SPCS3: variants seen among roughly 807,000 people sequenced by gnomAD.
The protein encoded by SPCS3 is SPase 22 kDa subunit.
SPCS3 carries 9 observed loss-of-function variants against 17.2 expected under a neutral mutation model. The ratio of observed to expected loss-of-function variants is 0.52; its 90% confidence interval spans 0.31 to 0.91. SPCS3 has a LOEUF of 0.91. Among genes scored for constraint, SPCS3 ranks in the 40% least tolerant of loss-of-function variants. SPCS3 has a pLI of 0.04. For missense variants in SPCS3, 139 were observed against 217.5 expected (o/e 0.64, Z 2.27); for synonymous variants, 87 against 89.6 (o/e 0.97, Z 0.16).
chr4:176,331,964 T>A lies in SPCS3; in HGVS notation c.*3634T>A, dbSNP rs1303094771. 6.6e-6 allele frequency: 1 copy of A among 152,248 alleles called. No homozygotes were observed. The highest frequency in any genetic ancestry group is 1.5e-5 in the Non-Finnish European group (1 of 68,048). The allele number at this position is 152,248 out of a possible 1,614,324, so 9.4% of individuals were successfully genotyped here. ...TGAATTTTGTTTACCAGTAAAAGTATGCATTTTAAAAGACTTTCAGATTTA... is the reference window on the plus strand; with the variant it reads ...TGAATTTTGTTTACCAGTAAAAGTAAGCATTTTAAAAGACTTTCAGATTTA... On this transcript the variant is annotated 3_prime_UTR_variant, in exon 5 of 5. Coordinates refer to ENST00000503362, the MANE Select transcript of SPCS3 (RefSeq NM_021928.4).
intron 3 of SPCS3, 69 bp from the exon 4 acceptor site, chr4:176,327,093 T>G: frequency 1.1e-6 from 1 of 933,420 alleles, no homozygotes; most frequent in East Asian, 2.9e-5. Context: ...TGCTTACTAA[T>G]ACTTTTAATT....
In SPCS3 at chr4:176,328,605, A is replaced by G. The variant is rs3733371; in HGVS notation, c.*275A>G. 0.14 allele frequency: 27,425 copies of G among 191,302 alleles called. 2,419 individuals carry two copies. Among genetic ancestry groups the G allele is most frequent in the East Asian group, 0.31 (2,546 of 8,336 alleles). The allele number at this position is 191,302 out of a possible 1,614,324, so 11.9% of individuals were successfully genotyped here. A position where few individuals can be genotyped will look rare whatever the true frequency, so the allele number is the denominator to read the frequency against. ...CATAAAACAGATTTGTAAAAAATAC[A>G]TATTTGAAGTATTCCCTGTATTTCC... On this transcript the variant is annotated 3_prime_UTR_variant, in exon 5 of 5. Transcript: ENST00000503362.
Position 176,320,194 on chromosome 4 carries a change from C to T in SPCS3, c.118C>T (p.Arg40Trp). 2.5e-6 allele frequency: 4 copies of T among 1,573,940 alleles called. No individual in the cohort carries two copies. In the South Asian group the frequency reaches 4.6e-5, roughly 18 times the overall value. ...TAFKDRSVPV[R>W]LHVSRIMLKN... Reference sequence around the variant, plus strand: ...CTTCAAAGACAGGAGCGTCCCGGTGCGGCTGCACGTCTCGCGGATCATGCT... The same window carrying T: ...CTTCAAAGACAGGAGCGTCCCGGTGTGGCTGCACGTCTCGCGGATCATGCT... Residue 40 changes from arginine (R) to tryptophan (W), a missense_variant, in exon 1 of 5, where the codon CGG (arginine) becomes TGG (tryptophan). Physicochemically the swap from Arg to Trp is moderately radical, Grantham distance 101 (BLOSUM62 -3). Transcript: ENST00000503362.
At chr4:176,324,141 T>C in intron 2 of SPCS3, 40 bp from the exon 3 acceptor site, 1 of 971,308 alleles carries the variant, frequency 1.0e-6, no homozygotes, top group South Asian at 1.7e-5. Context: ...TTAAAAGTGA[T>C]ATACTGCTCA....
intron 3 of SPCS3, among the ~76,000 whole-genome samples, chr4:176,326,655 G>T (rs183490704): frequency 2.2e-4 from 33 of 152,236 alleles, no homozygotes; most frequent in African/African-American, 5.3e-4. Flanking sequence ...TCTTGGAGAA[G>T]ATTTCTTATA....
chr4:176,327,191 G>A lies in SPCS3; in HGVS notation c.324G>A (p.Lys108=), dbSNP rs1731618806. The A allele has an allele frequency of 6.3e-7, 1 of 1,592,496 alleles. No individual in the cohort carries two copies. Among genetic ancestry groups the A allele is most frequent in the Admixed American group, 1.8e-5 (1 of 55,324 alleles). The part of the protein sequence containing the change: ...NALNQVVLWD[K]IVLRGDNPKL... Reference sequence around the variant, plus strand: ...TGAACCAAGTTGTCCTATGGGACAAGATTGTTTTGAGAGGTGATAATCCGA... The same window carrying A: ...TGAACCAAGTTGTCCTATGGGACAAAATTGTTTTGAGAGGTGATAATCCGA... Residue 108 remains lysine, a synonymous_variant, in exon 4 of 5, where the codon AAG becomes AAA. Transcript: ENST00000503362.
At position 176,331,109 on chromosome 4, in the gene SPCS3, C is replaced by T. The variant is rs978462421; in HGVS notation, c.*2779C>T. The T allele has an allele frequency of 4.6e-5, 7 of 151,974 alleles. No homozygotes were observed. Among genetic ancestry groups the T allele is most frequent in the African/African-American group, 1.7e-4 (7 of 41,362 alleles). The allele number at this position is 151,974 out of a possible 1,614,324, so 9.4% of individuals were successfully genotyped here. A position where few individuals can be genotyped will look rare whatever the true frequency, so the allele number is the denominator to read the frequency against. ...CATAGCTGGGCTTTAAGATTATCAT[C>T]TTAGAGATGATAGATGGGCTTTTTA... On this transcript the variant is annotated 3_prime_UTR_variant, in exon 5 of 5. Transcript: ENST00000503362.
At chr4:176,321,946 A>G (rs1731544623) in intron 1 of SPCS3, 1 of 351,070 alleles carries the variant, frequency 2.8e-6, no homozygotes, top group African/African-American at 2.1e-5. Context: ...GAGTTTTGTT[A>G]GGGATTCTCT....
chr4:176,322,266 G>C (rs761245021), intron 2 of SPCS3, 23 bp downstream of exon 2: 1 of 1,506,786 alleles, frequency 6.6e-7, no homozygotes, highest in Admixed American at 1.7e-5. Context: ...AAAATATTTC[G>C]TTGCGTTTTC....
intron 3 of SPCS3, among the ~76,000 whole-genome samples, chr4:176,325,615 A>T (rs1320282118): frequency 6.6e-6 from 1 of 152,018 alleles, no homozygotes; most frequent in Non-Finnish European, 1.5e-5. Context: ...GTCTACATTA[A>T]GCCATATAGC....
chr4:176,320,166 C>G lies in SPCS3; in HGVS notation c.90C>G (p.Thr30=), dbSNP rs1259098136. Residue 30 remains threonine, a synonymous_variant, in exon 1 of 5, where the codon ACC becomes ACG. Transcript: ENST00000503362. ...TCACCTTCGGCTGCTTCATCACCAC[C>G]GCCTTCAAAGACAGGAGCGTCCCGG... ...AALTFGCFIT[T]AFKDRSVPVR... 1 of 1,583,562 alleles carries G rather than the reference C, an allele frequency of 6.3e-7. No homozygotes were observed. The highest frequency in any genetic ancestry group is 1.4e-5 in the African/African-American group (1 of 71,818).
At chr4:176,326,921 T>C (rs1224360419) in intron 3 of SPCS3, 1 of 320,722 alleles carries the variant, frequency 3.1e-6, no homozygotes, top group African/African-American at 2.2e-5. Context: ...CACTAAGTAA[T>C]ACAGTTGAGT....
At chr4:176,326,673 A>G (rs1731611883) in intron 3 of SPCS3, among the ~76,000 whole-genome samples, 1 of 152,210 alleles carries the variant, frequency 6.6e-6, no homozygotes, top group South Asian at 2.1e-4. Flanking sequence ...ATAAATTTTC[A>G]TGACATAATT....
intron 3 of SPCS3, among the ~76,000 whole-genome samples, chr4:176,326,604 C>T (rs1450913023): frequency 4.6e-5 from 7 of 152,028 alleles, no homozygotes; most frequent in Admixed American, 4.6e-4. Flanking sequence ...CTTTAAAAGG[C>T]TTCATTTCTT....
In SPCS3 at chr4:176,326,178, G is replaced by A. The variant is rs1731604175; in HGVS notation, c.295-984G>A. 2.0e-5 allele frequency among the ~76,000 whole-genome samples: 3 copies of A among 152,074 alleles called. No individual in the cohort carries two copies. In the South Asian group the frequency reaches 6.2e-4, roughly 32 times the overall value. On this transcript the variant is annotated intron_variant, in intron 3 of 4. Transcript: ENST00000503362. ...TAGCCAGGCGTAGTGGTGCGCGCCT[G>A]TAATCCTAGCTACTTGGGAGGCTGA...
intron 3 of SPCS3, among the ~76,000 whole-genome samples, chr4:176,326,727 G>T (rs1161768358): frequency 1.3e-5 from 2 of 152,172 alleles, no homozygotes; most frequent in African/African-American, 4.8e-5. Flanking sequence ...AACAGGGATT[G>T]GCTCTTGTCT....
At chr4:176,320,287 GC>G in intron 1 of SPCS3, 68 bp downstream of exon 1, 1 of 1,275,390 alleles carries the variant, frequency 7.8e-7, no homozygotes, top group Non-Finnish European at 9.9e-7. Context: ...AAGCCGGGCC[GC>G]CGCGCCGGGG....
At chr4:176,327,915 T>C (rs1731630005) in intron 4 of SPCS3, among the ~76,000 whole-genome samples, 1 of 152,252 alleles carries the variant, frequency 6.6e-6, no homozygotes, top group African/African-American at 2.4e-5. Context: ...TTACATTTAC[T>C]GTTTTAATCA....
At position 176,328,920 on chromosome 4, in the gene SPCS3, C is replaced by G. The variant is rs1731646570; in HGVS notation, c.*590C>G. On this transcript the variant is annotated 3_prime_UTR_variant, in exon 5 of 5. Coordinates refer to ENST00000503362, the MANE Select transcript of SPCS3 (RefSeq NM_021928.4). ...TGTTTTTCTTACATGTGACTAGCAACTTTCTCCACTTAAAGACTAAATACC... is the reference window on the plus strand; with the variant it reads ...TGTTTTTCTTACATGTGACTAGCAAGTTTCTCCACTTAAAGACTAAATACC... 6.6e-6 allele frequency: 1 copy of G among 152,158 alleles called. No individual in the cohort carries two copies. Among genetic ancestry groups the G allele is most frequent in the African/African-American group, 2.4e-5 (1 of 41,448 alleles). The allele number at this position is 152,158 out of a possible 1,614,324, so 9.4% of individuals were successfully genotyped here. A position where few individuals can be genotyped will look rare whatever the true frequency, so the allele number is the denominator to read the frequency against.
Sources: allele counts gnomAD v4.1 joint callset (sites outside exome capture counted in the v4.1 genomes callset), GRCh38; gene constraint gnomAD v4.1.1; transcripts MANE v1.5; gene names NCBI Gene and HGNC (gene_info 2026-07-23, HGNC 2026-07-21).